The following RARB variants were observed in gnomAD, a reference collection of about 807,000 sequenced individuals.
RARB encodes HBV-activated protein.
In RARB, 17 loss-of-function variants were observed where a neutral mutation model predicts 51.9. The ratio of observed to expected loss-of-function variants is 0.33; its 90% confidence interval spans 0.22 to 0.49. The LOEUF (loss-of-function observed/expected upper bound fraction) is 0.49. Ranked by LOEUF, RARB falls within the 20% of genes least tolerant of loss-of-function variation. The pLI, the probability that RARB is intolerant of heterozygous loss-of-function variation, is 0.99. For missense variants in RARB, 369 were observed against 550.8 expected (o/e 0.67, Z 3.30); for synonymous variants, 215 against 195.4 (o/e 1.10, Z -0.84).
chr3:25,230,490 T>C (rs541241229), intron 5 of RARB, among the ~76,000 whole-genome samples: 1 of 152,208 alleles, frequency 6.6e-6, no homozygotes, highest in South Asian at 2.1e-4. Flanking sequence ...AACCTTGGAA[T>C]AGAGTATTTC....
chr3:25,195,986 C>T (rs189573835), intron 5 of RARB, among the ~76,000 whole-genome samples: 131 of 151,972 alleles, frequency 8.6e-4, no homozygotes, highest in African/African-American at 3.1e-3. Context: ...TATATTTGTT[C>T]CTCTGCTTCG....
At chr3:24,860,804 G>C (rs1451822609) in intron 2 of RARB, among the ~76,000 whole-genome samples, 1 of 152,200 alleles carries the variant, frequency 6.6e-6, no homozygotes, top group Non-Finnish European at 1.5e-5. Context: ...ACAGAGAGGT[G>C]AAGTAACTTA....
At chr3:25,544,457 A>G (rs1216403639) in intron 3 of RARB, among the ~76,000 whole-genome samples, 2 of 152,206 alleles carry the variant, frequency 1.3e-5, no homozygotes, top group Non-Finnish European at 2.9e-5. Flanking sequence ...CCCAAGACCT[A>G]GTTTAGCAGC....
intron 5 of RARB, among the ~76,000 whole-genome samples, chr3:25,181,506 G>T (rs115878736): frequency 1.3e-5 from 2 of 152,054 alleles, no homozygotes; most frequent in Non-Finnish European, 2.9e-5. Context: ...CATTGGGAGC[G>T]CTGTAGAGAT....
rs116377387 is a variant in RARB, at chr3:24,840,667, G to A, written c.-459+11264G>A. Among the ~76,000 whole-genome samples, 601 of 146,762 alleles carry A rather than the reference G, an allele frequency of 4.1e-3. 3 individuals are homozygous for A. Among genetic ancestry groups the A allele is most frequent in the African/African-American group, 0.014 (570 of 39,618 alleles). On this transcript the variant is annotated intron_variant, in intron 1 of 11. Coordinates refer to the RARB transcript ENST00000383772. Reference sequence around the variant, plus strand: ...ACAATGTATGTAAATGTCTTTTATAGCATTGGAATGTAAATGGTTAGTATT... The same window carrying A: ...ACAATGTATGTAAATGTCTTTTATAACATTGGAATGTAAATGGTTAGTATT...
At chr3:25,164,627 A>G (rs1700531250) in intron 4 of RARB, among the ~76,000 whole-genome samples, 2 of 152,210 alleles carry the variant, frequency 1.3e-5, no homozygotes, top group Admixed American at 6.5e-5. Flanking sequence ...AATTATAGGT[A>G]TGTTGTAATA....
chr3:24,856,515 A>G (rs1460366441), intron 1 of RARB, among the ~76,000 whole-genome samples: 1 of 152,156 alleles, frequency 6.6e-6, no homozygotes, highest in African/African-American at 2.4e-5. Flanking sequence ...TTTGCTTTGC[A>G]CTCAACACCT....
chr3:25,052,614 C>T (rs943355199), intron 2 of RARB, among the ~76,000 whole-genome samples: 13 of 152,136 alleles, frequency 8.5e-5, no homozygotes, highest in Non-Finnish European at 1.6e-4. Context: ...TGGAGAACCA[C>T]ATAGCAGCAT....
intron 5 of RARB, among the ~76,000 whole-genome samples, chr3:25,351,471 G>T (rs958334509): frequency 3.3e-5 from 5 of 152,050 alleles, no homozygotes; most frequent in Admixed American, 3.3e-4. Flanking sequence ...TTGGTTACAG[G>T]TCACCTAGAT....
chr3:25,264,176 A>G (rs911375422), intron 5 of RARB, among the ~76,000 whole-genome samples: 3 of 152,064 alleles, frequency 2.0e-5, no homozygotes, highest in Non-Finnish European at 4.4e-5. Context: ...AAAGCCAATG[A>G]TATTTTTCAC....
intron 5 of RARB, among the ~76,000 whole-genome samples, chr3:25,232,251 A>T (rs893165261): frequency 6.6e-6 from 1 of 152,150 alleles, no homozygotes; most frequent in African/African-American, 2.4e-5. Flanking sequence ...ATGAGTCTTG[A>T]AATCAGATAG....
chr3:24,952,700 T>C (rs1695923025), intron 2 of RARB, among the ~76,000 whole-genome samples: 1 of 152,176 alleles, frequency 6.6e-6, no homozygotes, highest in Admixed American at 6.5e-5. Flanking sequence ...TACCTGCTTT[T>C]CAAAGCTCTC....
At chr3:25,299,792 T>C (rs2125426849) in intron 5 of RARB, among the ~76,000 whole-genome samples, 1 of 152,292 alleles carries the variant, frequency 6.6e-6, no homozygotes, top group South Asian at 2.1e-4. Flanking sequence ...AGTTCAGAGA[T>C]TCTGCTGTAG....
chr3:25,100,353 A>G (rs1376428698), intron 3 of RARB, among the ~76,000 whole-genome samples: 1 of 152,190 alleles, frequency 6.6e-6, no homozygotes, highest in East Asian at 1.9e-4. Flanking sequence ...CTAAATAACA[A>G]GAAGGAGCCA....
At chr3:25,556,715 T>C (rs1700073621) in intron 3 of RARB, among the ~76,000 whole-genome samples, 1 of 152,120 alleles carries the variant, frequency 6.6e-6, no homozygotes, top group Admixed American at 6.5e-5. Context: ...AATGAGAATG[T>C]ATGTCATGCA....
chr3:24,838,982 A>C (rs1702381373), intron 1 of RARB, among the ~76,000 whole-genome samples: 1 of 152,034 alleles, frequency 6.6e-6, no homozygotes, highest in African/African-American at 2.4e-5. Flanking sequence ...GAAGCACCAA[A>C]ACCTAATATA....
chr3:25,252,340 C>A (rs1413571915), intron 5 of RARB, among the ~76,000 whole-genome samples: 1 of 151,958 alleles, frequency 6.6e-6, no homozygotes, highest in African/African-American at 2.4e-5. Flanking sequence ...GGGACCTTTG[C>A]AATTATATAT....
intron 5 of RARB, among the ~76,000 whole-genome samples, chr3:25,402,451 A>G (rs1162784145): frequency 6.6e-6 from 1 of 152,216 alleles, no homozygotes; most frequent in East Asian, 1.9e-4. Context: ...TCCCACTGCT[A>G]GGTATATACT....
intron 2 of RARB, among the ~76,000 whole-genome samples, chr3:25,023,967 T>C (rs1431352355): frequency 6.6e-6 from 1 of 152,186 alleles, no homozygotes; most frequent in African/African-American, 2.4e-5. Flanking sequence ...AACTCTGTTA[T>C]TGGACAATTC....
Sources: allele counts gnomAD v4.1 joint callset (sites outside exome capture counted in the v4.1 genomes callset), GRCh38; gene constraint gnomAD v4.1.1; transcripts MANE v1.5; gene names NCBI Gene and HGNC (gene_info 2026-07-23, HGNC 2026-07-21).